The following LDLRAD4 variants were observed in gnomAD, a reference collection of about 807,000 sequenced individuals.
LDLRAD4 encodes low-density lipoprotein receptor class A domain-containing protein 4.
A neutral mutation model predicts 17.0 loss-of-function variants in LDLRAD4; 5 were observed. That is an observed-to-expected ratio of 0.29 (90% CI 0.15 to 0.62). The LOEUF (loss-of-function observed/expected upper bound fraction) is 0.62. Among genes scored for constraint, LDLRAD4 ranks in the 20% least tolerant of loss-of-function variants. LDLRAD4 has a pLI of 0.84. For missense variants in LDLRAD4, 340 were observed against 424.7 expected (o/e 0.80, Z 1.75); for synonymous variants, 168 against 171.8 (o/e 0.98, Z 0.17).
intron 1 of LDLRAD4, among the ~76,000 whole-genome samples, chr18:13,246,866 T>C (rs2042981178): frequency 6.6e-6 from 1 of 152,046 alleles, no homozygotes; most frequent in Non-Finnish European, 1.5e-5. Context: ...TAGATCATGA[T>C]CAATAACAGG....
intron 2 of LDLRAD4, among the ~76,000 whole-genome samples, chr18:13,410,189 G>A (rs566742715): frequency 3.3e-5 from 5 of 152,176 alleles, no homozygotes; most frequent in East Asian, 3.9e-4. Flanking sequence ...CATGGGGGGC[G>A]CTAAGGAGAC....
At chr18:13,592,892 A>G (rs2095046225) in intron 3 of LDLRAD4, among the ~76,000 whole-genome samples, 1 of 152,264 alleles carries the variant, frequency 6.6e-6, no homozygotes, top group Admixed American at 6.5e-5. Flanking sequence ...AGCAATTCTT[A>G]AGCATTTAGT....
chr18:13,291,265 A>G (rs555657789), intron 1 of LDLRAD4, among the ~76,000 whole-genome samples: 12 of 152,324 alleles, frequency 7.9e-5, no homozygotes, highest in Non-Finnish European at 1.6e-4. Flanking sequence ...GACAAATGAC[A>G]TAATCAGCCA....
chr18:13,257,046 A>G (rs1233904345), intron 1 of LDLRAD4, among the ~76,000 whole-genome samples: 1 of 152,244 alleles, frequency 6.6e-6, no homozygotes, highest in African/African-American at 2.4e-5. Flanking sequence ...TTCCTTTGAC[A>G]ATGGTTTGTA....
At chr18:13,580,596 G>A (rs1010813559) in intron 3 of LDLRAD4, among the ~76,000 whole-genome samples, 1 of 152,152 alleles carries the variant, frequency 6.6e-6, no homozygotes, top group African/African-American at 2.4e-5. Flanking sequence ...GAATGTGCAG[G>A]CGATGGCACG....
chr18:13,427,777 A>C (rs907249893), intron 2 of LDLRAD4, among the ~76,000 whole-genome samples: 1 of 152,204 alleles, frequency 6.6e-6, no homozygotes, highest in Non-Finnish European at 1.5e-5. Context: ...ACTTTAACTA[A>C]TTCTGCCTTT....
chr18:13,452,707 G>C (rs530023268), intron 3 of LDLRAD4, among the ~76,000 whole-genome samples: 1 of 152,318 alleles, frequency 6.6e-6, no homozygotes, highest in East Asian at 1.9e-4. Context: ...AGCTTTCTGC[G>C]TGTATGAACT....
chr18:13,619,334 C>T (rs958266463), intron 3 of LDLRAD4, among the ~76,000 whole-genome samples: 3 of 152,132 alleles, frequency 2.0e-5, no homozygotes, highest in Admixed American at 6.5e-5. Context: ...GCGTGTCATA[C>T]TTCCCATGGC....
At chr18:13,284,273 A>G (rs1429798989) in intron 1 of LDLRAD4, among the ~76,000 whole-genome samples, 1 of 151,606 alleles carries the variant, frequency 6.6e-6, no homozygotes, top group Non-Finnish European at 1.5e-5. Flanking sequence ...GAAACTTACC[A>G]CCTCTGCCAC....
chr18:13,504,348 C>T (rs530241843), intron 3 of LDLRAD4, among the ~76,000 whole-genome samples: 29 of 152,342 alleles, frequency 1.9e-4, no homozygotes, highest in South Asian at 8.3e-4. Flanking sequence ...CAAGTGTCCA[C>T]GGTCTGCAGA....
intron 1 of LDLRAD4, among the ~76,000 whole-genome samples, chr18:13,349,911 G>T (rs778071893): frequency 1.9e-4 from 29 of 151,600 alleles, no homozygotes; most frequent in Admixed American, 4.6e-4. Context: ...GTGTTAGTTT[G>T]CTGTGGATGA....
At chr18:13,506,148 C>T (rs1418984003) in intron 3 of LDLRAD4, among the ~76,000 whole-genome samples, 1 of 152,200 alleles carries the variant, frequency 6.6e-6, no homozygotes, top group Non-Finnish European at 1.5e-5. Flanking sequence ...TCCTCCTAAG[C>T]TCACCTTCCC....
At chr18:13,351,698 G>A (rs529036514) in intron 1 of LDLRAD4, among the ~76,000 whole-genome samples, 1 of 152,188 alleles carries the variant, frequency 6.6e-6, no homozygotes, top group Non-Finnish European at 1.5e-5. Context: ...AGAGTATCTG[G>A]TACCATTCCT....
intron 3 of LDLRAD4, chr18:13,459,881 C>A (rs1020429673): frequency 8.8e-6 from 1 of 113,866 alleles, no homozygotes; most frequent in South Asian, 2.6e-4. Flanking sequence ...GTATATGAAT[C>A]GTAGCCTAGT....
At chr18:13,579,779 T>C (rs2148432593) in intron 3 of LDLRAD4, among the ~76,000 whole-genome samples, 2 of 152,344 alleles carry the variant, frequency 1.3e-5, no homozygotes, top group South Asian at 4.1e-4. Context: ...ACCCTGCCAT[T>C]TGCGGTATTC....
intron 1 of LDLRAD4, among the ~76,000 whole-genome samples, chr18:13,317,482 C>T (rs2080992741): frequency 6.6e-6 from 1 of 152,186 alleles, no homozygotes; most frequent in East Asian, 1.9e-4. Flanking sequence ...AGGCATTCAT[C>T]ACTTAAAAAA....
At chr18:13,388,616 G>A (rs1185468562) in intron 2 of LDLRAD4, among the ~76,000 whole-genome samples, 1 of 152,232 alleles carries the variant, frequency 6.6e-6, no homozygotes, top group African/African-American at 2.4e-5. Flanking sequence ...TTTTGTGGAG[G>A]GAGCAGGTCA....
intron 1 of LDLRAD4, among the ~76,000 whole-genome samples, chr18:13,375,804 T>C (rs1043788432): frequency 6.6e-6 from 1 of 152,072 alleles, no homozygotes; most frequent in East Asian, 1.9e-4. Context: ...TGGGAGGCCT[T>C]CTCCTCCTCG....
intron 2 of LDLRAD4, among the ~76,000 whole-genome samples, chr18:13,430,925 G>A (rs1195831099): frequency 2.6e-5 from 4 of 152,166 alleles, no homozygotes; most frequent in Non-Finnish European, 4.4e-5. Flanking sequence ...CACATTTCTC[G>A]AAAGGAAAGG....
Sources: gnomAD v4.1 joint callset for allele counts (sites outside exome capture counted in the v4.1 genomes callset) on GRCh38, gnomAD v4.1.1 for gene constraint, MANE v1.5 for transcripts, NCBI Gene and HGNC (gene_info 2026-07-23, HGNC 2026-07-21) for gene names.